LSAMP: variants seen among roughly 807,000 people sequenced by gnomAD.
LSAMP encodes limbic system-associated membrane protein.
LSAMP carries 7 observed loss-of-function variants against 38.6 expected under a neutral mutation model. The observed-to-expected ratio is 0.18, with a 90% CI of 0.10 to 0.34. The LOEUF (loss-of-function observed/expected upper bound fraction) is 0.34, where lower values mean the gene tolerates loss of function less well. Ranked by LOEUF, LSAMP falls within the 10% of genes least tolerant of loss-of-function variation. The probability of loss-of-function intolerance (pLI) is 1.00; values close to 1 mark genes in which losing one functional copy is unlikely to be tolerated. For synonymous variants in LSAMP, 154 were observed against 166.8 expected, an observed-to-expected ratio of 0.92 and a Z score of 0.59; for missense variants, 313 against 420.0, an observed-to-expected ratio of 0.75 and a Z score of 2.23.
intron 1 of LSAMP, among the ~76,000 whole-genome samples, chr3:116,138,758 T>A (rs2107512248): frequency 6.6e-6 from 1 of 152,142 alleles, no homozygotes; most frequent in Non-Finnish European, 1.5e-5. Context: ...ATTTCATGCA[T>A]TGCCAAAGAA....
At chr3:115,819,857 C>G (rs1362307489) in intron 6 of LSAMP, among the ~76,000 whole-genome samples, 1 of 152,112 alleles carries the variant, frequency 6.6e-6, no homozygotes, top group Non-Finnish European at 1.5e-5. Flanking sequence ...ATTTTGGACT[C>G]TTATTTCCTA....
chr3:116,115,265 G>T (rs1236312267), intron 1 of LSAMP, among the ~76,000 whole-genome samples: 2 of 152,250 alleles, frequency 1.3e-5, no homozygotes, highest in Non-Finnish European at 2.9e-5. Flanking sequence ...CGTCTATTTT[G>T]TGCCAGCACA....
intron 1 of LSAMP, among the ~76,000 whole-genome samples, chr3:116,249,205 G>C (rs1268459315): frequency 6.6e-6 from 1 of 151,208 alleles, no homozygotes; most frequent in Non-Finnish European, 1.5e-5. Context: ...GAGAGTCAAG[G>C]GAGAATCAGT....
At chr3:116,000,536 G>A (rs1939960403) in intron 3 of LSAMP, among the ~76,000 whole-genome samples, 1 of 152,138 alleles carries the variant, frequency 6.6e-6, no homozygotes, top group Non-Finnish European at 1.5e-5. Flanking sequence ...GGTACACTGA[G>A]GGCTGCACCA....
chr3:115,883,470 G>A (rs370126732), intron 3 of LSAMP, among the ~76,000 whole-genome samples: 1 of 152,168 alleles, frequency 6.6e-6, no homozygotes, highest in East Asian at 1.9e-4. Flanking sequence ...TAGTCCTAAT[G>A]TGATATATTT....
chr3:116,210,829 A>G (rs1419693493), intron 1 of LSAMP, among the ~76,000 whole-genome samples: 1 of 152,230 alleles, frequency 6.6e-6, no homozygotes, highest in Admixed American at 6.5e-5. Context: ...TAATTAAAAA[A>G]GCAGTAACTA....
At chr3:116,083,060 G>T (rs1707906765) in intron 2 of LSAMP, among the ~76,000 whole-genome samples, 1 of 152,122 alleles carries the variant, frequency 6.6e-6, no homozygotes, top group African/African-American at 2.4e-5. Context: ...TCCTAAGGAA[G>T]TAAAGCTGAA....
At chr3:116,093,849 A>T (rs1055728237) in intron 1 of LSAMP, among the ~76,000 whole-genome samples, 4 of 152,154 alleles carry the variant, frequency 2.6e-5, no homozygotes, top group African/African-American at 4.8e-5. Flanking sequence ...TTGTAACTTC[A>T]ATCCTACAAA....
chr3:115,899,529 T>C (rs1283809296), intron 3 of LSAMP, among the ~76,000 whole-genome samples: 1 of 152,188 alleles, frequency 6.6e-6, no homozygotes, highest in Non-Finnish European at 1.5e-5. Flanking sequence ...AACTGCCTGA[T>C]GCCTATTTTT....
intron 1 of LSAMP, among the ~76,000 whole-genome samples, chr3:116,281,088 G>GA (rs1340771791): frequency 6.6e-6 from 1 of 152,102 alleles, no homozygotes; most frequent in Non-Finnish European, 1.5e-5. Flanking sequence ...TGCAAACTTG[G>GA]AAAAAATACA....
At chr3:115,901,748 A>G (rs1936880722) in intron 3 of LSAMP, among the ~76,000 whole-genome samples, 1 of 152,188 alleles carries the variant, frequency 6.6e-6, no homozygotes, top group African/African-American at 2.4e-5. Flanking sequence ...TCAAGGCTTT[A>G]GTTCAACATC....
intron 2 of LSAMP, among the ~76,000 whole-genome samples, chr3:116,020,544 A>T (rs1940609988): frequency 1.3e-5 from 2 of 152,154 alleles, no homozygotes; most frequent in Admixed American, 1.3e-4. Context: ...CTTGAATGAA[A>T]CTTCCTCTTC....
intron 1 of LSAMP, among the ~76,000 whole-genome samples, chr3:116,090,161 G>C (rs1708087275): frequency 6.7e-6 from 1 of 149,000 alleles, no homozygotes. Context: ...GCTACAGTGA[G>C]CTATGATCAC....
chr3:116,248,198 G>A (rs1042416418), intron 1 of LSAMP, among the ~76,000 whole-genome samples: 2 of 152,192 alleles, frequency 1.3e-5, no homozygotes, highest in African/African-American at 4.8e-5. Flanking sequence ...TCATTTGGGA[G>A]CAGGGAAGGG....
intron 3 of LSAMP, among the ~76,000 whole-genome samples, chr3:115,937,626 T>C (rs1410619837): frequency 1.3e-5 from 2 of 148,162 alleles, no homozygotes; most frequent in East Asian, 2.0e-4. Context: ...GGCGATAGAG[T>C]GAGACCCTGT....
chr3:116,393,375 C>T (rs569354957), intron 1 of LSAMP, among the ~76,000 whole-genome samples: 10 of 152,312 alleles, frequency 6.6e-5, no homozygotes, highest in African/African-American at 2.4e-4. Context: ...CTAGCTGCAG[C>T]CTCACAGAGA....
chr3:116,070,917 G>T (rs1042997080), intron 2 of LSAMP, among the ~76,000 whole-genome samples: 2 of 151,990 alleles, frequency 1.3e-5, no homozygotes, highest in Non-Finnish European at 2.9e-5. Flanking sequence ...TCACACGCCT[G>T]TAATCCCAGC....
At chr3:116,374,190 TA>T (rs1293984262) in intron 1 of LSAMP, among the ~76,000 whole-genome samples, 1 of 151,954 alleles carries the variant, frequency 6.6e-6, no homozygotes, top group African/African-American at 2.4e-5. Flanking sequence ...ACATGATTAA[TA>T]CCTTGCAAGA....
At chr3:116,241,225 T>C (rs2046529090) in intron 1 of LSAMP, among the ~76,000 whole-genome samples, 1 of 151,638 alleles carries the variant, frequency 6.6e-6, no homozygotes, top group Non-Finnish European at 1.5e-5. Flanking sequence ...TTTTCTCTTT[T>C]GCTTCCTGTC....
Sources: gnomAD v4.1 joint callset for allele counts (sites outside exome capture counted in the v4.1 genomes callset) on GRCh38, gnomAD v4.1.1 for gene constraint, MANE v1.5 for transcripts, NCBI Gene and HGNC (gene_info 2026-07-23, HGNC 2026-07-21) for gene names.